The following SAMMSON variants were observed in gnomAD, a reference collection of about 807,000 sequenced individuals.
SAMMSON encodes survival associated mitochondrial melanoma specific oncogenic non-coding RNA.
chr3:70,277,848 G>A (rs1702042431), intron 6 of SAMMSON, among the ~76,000 whole-genome samples: 1 of 152,098 alleles, frequency 6.6e-6, no homozygotes, highest in African/African-American at 2.4e-5. Flanking sequence ...GGAGACGAAA[G>A]GGCAAGACAG....
At chr3:70,027,524 A>C (rs1434333014) in intron 3 of SAMMSON, among the ~76,000 whole-genome samples, 1 of 152,222 alleles carries the variant, frequency 6.6e-6, no homozygotes, top group Non-Finnish European at 1.5e-5. Flanking sequence ...CCTCTTTGTC[A>C]TCAAAAATCA....
chr3:70,396,887 A>C (rs1701098161), intron 2 of SAMMSON, among the ~76,000 whole-genome samples: 1 of 152,178 alleles, frequency 6.6e-6, no homozygotes, highest in African/African-American at 2.4e-5. Context: ...AGGAAAGCAA[A>C]AGTCACTTAG....
chr3:70,003,119 G>A (rs1488506478), intron 1 of SAMMSON, among the ~76,000 whole-genome samples: 1 of 151,958 alleles, frequency 6.6e-6, no homozygotes, highest in Non-Finnish European at 1.5e-5. Flanking sequence ...TACTCCAATA[G>A]TACTTTTGAC....
At chr3:70,211,422 TGCCCTTCCCTTC>T (rs1701346110) in intron 4 of SAMMSON, among the ~76,000 whole-genome samples, 1 of 24,104 alleles carries the variant, frequency 4.1e-5, no homozygotes, top group Non-Finnish European at 1.0e-4. Context: ...CCCTTCCCTT[TGCCCTTCCCTTC>T]CCTTCCCTTC....
chr3:70,193,721 T>G (rs1701149385), intron 4 of SAMMSON, among the ~76,000 whole-genome samples: 1 of 152,352 alleles, frequency 6.6e-6, no homozygotes, highest in Admixed American at 6.5e-5. Context: ...AACTTAGTAT[T>G]TGATGGGCAA....
chr3:70,189,241 A>T (rs967552601), intron 4 of SAMMSON, among the ~76,000 whole-genome samples: 6 of 152,136 alleles, frequency 3.9e-5, no homozygotes, highest in African/African-American at 1.4e-4. Flanking sequence ...AGATGGTATT[A>T]GTTATAAAAT....
intron 3 of SAMMSON, among the ~76,000 whole-genome samples, chr3:70,028,191 CTT>C (rs2067050440): frequency 7.2e-6 from 1 of 138,902 alleles, no homozygotes; most frequent in Non-Finnish European, 1.5e-5. Flanking sequence ...TCCTTCCTTT[CTT>C]TCTTTCTTTC....
chr3:70,109,022 T>TG (rs1409983912), intron 4 of SAMMSON, among the ~76,000 whole-genome samples: 5 of 152,008 alleles, frequency 3.3e-5, no homozygotes, highest in Non-Finnish European at 7.4e-5. Context: ...CCCCTTGGAG[T>TG]GATGTTGGCC....
chr3:70,087,639 A>G (rs2067290698), intron 4 of SAMMSON, among the ~76,000 whole-genome samples: 1 of 152,174 alleles, frequency 6.6e-6, no homozygotes, highest in South Asian at 2.1e-4. Flanking sequence ...AGAGAAGAGA[A>G]GGAAGGCTTT....
At chr3:70,136,835 A>T (rs1198632748) in intron 4 of SAMMSON, among the ~76,000 whole-genome samples, 1 of 20,762 alleles carries the variant, frequency 4.8e-5, no homozygotes, top group Non-Finnish European at 1.0e-4. Flanking sequence ...ATTTTATGTC[A>T]TTGAAGTTTT....
intron 4 of SAMMSON, among the ~76,000 whole-genome samples, chr3:70,236,961 T>C (rs959227205): frequency 6.6e-6 from 1 of 152,216 alleles, no homozygotes; most frequent in East Asian, 1.9e-4. Flanking sequence ...TAAGTTTCTA[T>C]TGTGAAAAAT....
chr3:70,259,872 A>G (rs1701849517), intron 6 of SAMMSON, among the ~76,000 whole-genome samples: 1 of 152,176 alleles, frequency 6.6e-6, no homozygotes, highest in South Asian at 2.1e-4. Context: ...TCATGGTGGA[A>G]GGTGGAGGGG....
chr3:70,391,122 G>A (rs767314433), downstream of SAMMSON, among the ~76,000 whole-genome samples: 15 of 152,116 alleles, frequency 9.9e-5, no homozygotes, highest in Admixed American at 6.6e-4. Flanking sequence ...CTTCACCTTC[G>A]CAGCTGAGAC....
intron 4 of SAMMSON, among the ~76,000 whole-genome samples, chr3:70,217,362 G>T (rs1220661021): frequency 2.0e-5 from 3 of 152,034 alleles, no homozygotes; most frequent in Non-Finnish European, 4.4e-5. Context: ...GATTTGTGTA[G>T]GTTGAATTAA....
intron 7 of SAMMSON, among the ~76,000 whole-genome samples, chr3:70,305,936 C>T (rs1454419468): frequency 6.6e-6 from 1 of 152,002 alleles, no homozygotes; most frequent in Non-Finnish European, 1.5e-5. Context: ...GACCTCTAGG[C>T]TCTTTTCTAG....
intron 4 of SAMMSON, among the ~76,000 whole-genome samples, chr3:70,162,090 G>A (rs575165047): frequency 1.9e-4 from 29 of 151,666 alleles, no homozygotes; most frequent in Non-Finnish European, 3.0e-4. Flanking sequence ...CAATGTTTTG[G>A]TTTCATTGAT....
At chr3:70,293,471 C>CA (rs1160714149) in intron 7 of SAMMSON, among the ~76,000 whole-genome samples, 2 of 152,032 alleles carry the variant, frequency 1.3e-5, no homozygotes. Context: ...CTATTAGTGA[C>CA]AAAATCACAG....
At chr3:70,230,662 C>T (rs1701550220) in intron 4 of SAMMSON, among the ~76,000 whole-genome samples, 1 of 152,136 alleles carries the variant, frequency 6.6e-6, no homozygotes, top group Non-Finnish European at 1.5e-5. Context: ...TGACAGCAAA[C>T]GGTAATTTGA....
chr3:70,418,275 A>C (rs1187190405), intron 2 of SAMMSON, among the ~76,000 whole-genome samples: 2 of 152,196 alleles, frequency 1.3e-5, no homozygotes, highest in African/African-American at 4.8e-5. Context: ...TGAAAAACTT[A>C]ATCTAGAAAA....
Sources: gnomAD v4.1 joint callset for allele counts (sites outside exome capture counted in the v4.1 genomes callset) on GRCh38, gnomAD v4.1.1 for gene constraint, MANE v1.5 for transcripts, NCBI Gene and HGNC (gene_info 2026-07-23, HGNC 2026-07-21) for gene names.